The following INSL6 variants were observed in gnomAD, a reference collection of about 807,000 sequenced individuals.
The protein encoded by INSL6 is insulin-like peptide INSL6.
Under a neutral mutation model 9.4 loss-of-function variants are expected in INSL6, and 16 were observed. The observed-to-expected ratio is 1.70, with a 90% CI of 1.15 to 2.59. The LOEUF is 2.59. INSL6 is among the 30% of genes most tolerant of loss of function. The pLI is 0.00. For missense variants in INSL6, 391 were observed against 257.3 expected (o/e 1.52, Z -3.56); for synonymous variants, 154 against 96.9 (o/e 1.59, Z -3.46).
chr9:5,079,735 A>C, the INSL6 span, among the ~76,000 whole-genome samples: 2 of 152,026 alleles, frequency 1.3e-5, no homozygotes, highest in Non-Finnish European at 2.9e-5. Flanking sequence ...TGGGTGGATC[A>C]CTTAAGCCCA....
At chr9:5,172,722 AT>A (rs1437017748) in intron 1 of INSL6, among the ~76,000 whole-genome samples, 1 of 152,166 alleles carries the variant, frequency 6.6e-6, no homozygotes, top group Admixed American at 6.5e-5. Context: ...GAGGTCAGGA[AT>A]TCGAGACCAG....
At chr9:5,150,283 A>G (rs1312447534) in intron 2 of INSL6, among the ~76,000 whole-genome samples, 2 of 152,230 alleles carry the variant, frequency 1.3e-5, no homozygotes, top group African/African-American at 2.4e-5. Flanking sequence ...TCTGCACAGC[A>G]AAAGAAATAA....
the INSL6 span, chr9:5,112,717 C>A: frequency 1.2e-6 from 1 of 808,362 alleles, no homozygotes; most frequent in Non-Finnish European, 1.8e-6. Context: ...GAGAGCGGAA[C>A]CTGAATCCCA....
chr9:5,123,148 G>C (rs767300844), downstream of INSL6: 2 of 1,451,710 alleles, frequency 1.4e-6, no homozygotes. Flanking sequence ...TTTACTTTCA[G>C]TTTTTTGTTT....
intron 3 of INSL6, among the ~76,000 whole-genome samples, chr9:5,133,004 T>TG (rs1424083874): frequency 6.6e-6 from 1 of 152,192 alleles, no homozygotes. Context: ...ATGTTGGACC[T>TG]GGGGTAGTGA....
At chr9:5,003,620 T>A in the INSL6 span, among the ~76,000 whole-genome samples, 7 of 152,212 alleles carry the variant, frequency 4.6e-5, 1 homozygote, top group South Asian at 1.4e-3. Flanking sequence ...TCTTTTAAAT[T>A]TCCTACATAT....
chr9:5,101,776 C>G, the INSL6 span, among the ~76,000 whole-genome samples: 2 of 152,154 alleles, frequency 1.3e-5, no homozygotes, highest in African/African-American at 2.4e-5. Flanking sequence ...GAGTGGACCT[C>G]CAGCAAACTC....
At chr9:5,144,255 A>T (rs1824556068) in intron 2 of INSL6, among the ~76,000 whole-genome samples, 1 of 152,092 alleles carries the variant, frequency 6.6e-6, no homozygotes, top group East Asian at 1.9e-4. Context: ...TCATTTCATT[A>T]TTTACCCAAA....
the INSL6 span, chr9:5,111,789 C>T: frequency 2.4e-6 from 1 of 423,406 alleles, no homozygotes; most frequent in Non-Finnish European, 4.7e-6. Flanking sequence ...TCCACCTTCT[C>T]CTTGGCCCCC....
At chr9:5,036,487 C>G in the INSL6 span, among the ~76,000 whole-genome samples, 1 of 152,176 alleles carries the variant, frequency 6.6e-6, no homozygotes, top group African/African-American at 2.4e-5. Context: ...TACTACAAGG[C>G]TACAGTAACC....
At chr9:5,035,831 T>A in the INSL6 span, among the ~76,000 whole-genome samples, 1 of 152,206 alleles carries the variant, frequency 6.6e-6, no homozygotes, top group Non-Finnish European at 1.5e-5. Flanking sequence ...AAGACAGGGA[T>A]GCCCTCTCTC....
At chr9:4,994,631 A>C in the INSL6 span, among the ~76,000 whole-genome samples, 1 of 152,236 alleles carries the variant, frequency 6.6e-6, no homozygotes, top group Non-Finnish European at 1.5e-5. Context: ...AAAAGCAGTT[A>C]TAGACAATAC....
the INSL6 span, among the ~76,000 whole-genome samples, chr9:5,057,629 C>A: frequency 7.3e-6 from 1 of 136,804 alleles, no homozygotes; most frequent in African/African-American, 2.9e-5. Flanking sequence ...GTCATCCAGG[C>A]TGGAGCACAA....
At position 5,176,297 on chromosome 9, in the gene INSL6, A is replaced by C. The variant is rs887303472; in HGVS notation, c.289+9017T>G. On this transcript the variant is annotated intron_variant, in intron 1 of 1. Coordinates refer to ENST00000381641, the MANE Select transcript of INSL6 (RefSeq NM_007179.3). Reference sequence around the variant, plus strand: ...TTGGTCTACCCTTACCACACTGTTTAATACTATACCCCACCTTTCAACTCC... The same window carrying C: ...TTGGTCTACCCTTACCACACTGTTTCATACTATACCCCACCTTTCAACTCC... 1.1e-4 allele frequency among the ~76,000 whole-genome samples: 16 copies of C among 152,286 alleles called. 1 individual carries two copies. The highest frequency in any genetic ancestry group is 1.6e-4 in the Non-Finnish European group (11 of 68,018).
chr9:5,049,460 C>G, the INSL6 span, among the ~76,000 whole-genome samples: 15 of 152,138 alleles, frequency 9.9e-5, no homozygotes, highest in African/African-American at 3.6e-4. Flanking sequence ...TTGTGTCCAT[C>G]ATACATTTCT....
chr9:5,080,988 A>C, the INSL6 span, among the ~76,000 whole-genome samples: 11 of 143,422 alleles, frequency 7.7e-5, no homozygotes, highest in Admixed American at 1.5e-4. Flanking sequence ...CTCCACCTCC[A>C]AGGTTCACGC....
chr9:5,054,503 A>C, the INSL6 span: 1 of 1,377,674 alleles, frequency 7.3e-7, no homozygotes, highest in Non-Finnish European at 9.9e-7. This position sits in a 1 kb window ranked among gnomAD's most constrained non-coding sequence, Gnocchi z 4.9. Flanking sequence ...TTCAATTTTT[A>C]GATTTATCTT....
intron 1 of INSL6, among the ~76,000 whole-genome samples, chr9:5,170,811 A>G (rs1185990829): frequency 2.0e-5 from 3 of 152,202 alleles, no homozygotes; most frequent in Non-Finnish European, 4.4e-5. Flanking sequence ...ATCCCTGAAT[A>G]GACTAATAAC....
intron 3 of INSL6, among the ~76,000 whole-genome samples, chr9:5,128,962 T>G (rs1420927780): frequency 6.6e-6 from 1 of 152,038 alleles, no homozygotes; most frequent in Non-Finnish European, 1.5e-5. Flanking sequence ...ATAAATGACT[T>G]TTTCCATGGG....
Sources: gnomAD v4.1 joint callset for allele counts (sites outside exome capture counted in the v4.1 genomes callset) on GRCh38, gnomAD v4.1.1 for gene constraint, Gnocchi (gnomAD v3.1) non-coding constraint, MANE v1.5 for transcripts, NCBI Gene and HGNC (gene_info 2026-07-23, HGNC 2026-07-21) for gene names.